DYSF: variants seen among roughly 807,000 people sequenced by gnomAD.
DYSF encodes the protein dystrophy-associated fer-1-like 1.
In DYSF, 212 loss-of-function variants were observed where a neutral mutation model predicts 274.9. That is an observed-to-expected ratio of 0.77 (90% CI 0.69 to 0.86). The LOEUF (loss-of-function observed/expected upper bound fraction) is 0.86. Ranked by LOEUF, DYSF falls within the 40% of genes least tolerant of loss-of-function variation. The probability of loss-of-function intolerance (pLI) is 0.00; values close to 1 mark genes in which losing one functional copy is unlikely to be tolerated. For missense variants in DYSF, 2,666 were observed against 2,783.2 expected, an observed-to-expected ratio of 0.96 and a Z score of 0.95; for synonymous variants, 1,091 against 1,078.7, an observed-to-expected ratio of 1.01 and a Z score of -0.22.
At position 71,478,386 on chromosome 2, in the gene DYSF, T is replaced by A. The variant is rs186450387; in HGVS notation, c.92-2497T>A. Among the ~76,000 whole-genome samples, 1,483 of 151,984 alleles carry A rather than the reference T, an allele frequency of 9.8e-3. 20 individuals carry two copies. Among genetic ancestry groups the A allele is most frequent in the African/African-American group, 0.034 (1,407 of 41,360 alleles). On this transcript the variant is annotated intron_variant, in intron 1 of 55. Coordinates refer to ENST00000410020, the MANE Select transcript of DYSF (RefSeq NM_001130987.2). ...GCCACCATGCCCGGCTAATTTTTTG[T>A]ATTTTTAGTAGAGATGGGGTTTCAC...
At chr2:71,552,622 C>G (rs1252890391) in intron 19 of DYSF, among the ~76,000 whole-genome samples, 1 of 152,194 alleles carries the variant, frequency 6.6e-6, no homozygotes, top group Non-Finnish European at 1.5e-5. Context: ...GGCAGGAGCT[C>G]TGGTCAGGCG....
chr2:71,612,353 C>T (rs902332250), intron 38 of DYSF, among the ~76,000 whole-genome samples: 2 of 152,184 alleles, frequency 1.3e-5, no homozygotes, highest in Non-Finnish European at 2.9e-5. Context: ...CCCTCGCCCG[C>T]TCCCCAGCCA....
At chr2:71,499,821 C>A (rs1279415447) in intron 3 of DYSF, among the ~76,000 whole-genome samples, 3 of 152,198 alleles carry the variant, frequency 2.0e-5, no homozygotes, top group Admixed American at 6.5e-5. Flanking sequence ...AGGCTGGGAG[C>A]ACCTGTGGTG....
At position 71,473,918 on chromosome 2, in the gene DYSF, ATTTTTTTTTTTT is replaced by A. The variant is rs10659171; in HGVS notation, c.92-6951_92-6940del. 1.8e-3 allele frequency among the ~76,000 whole-genome samples: 149 copies of A among 83,832 alleles called. 2 individuals are homozygous for A. Among genetic ancestry groups the A allele is most frequent in the African/African-American group, 8.0e-3 (141 of 17,554 alleles). The allele number at this position is 83,832 out of a possible 152,430, so 55.0% of individuals were successfully genotyped here. A position where few individuals can be genotyped will look rare whatever the true frequency, so the allele number is the denominator to read the frequency against. ...TAATTGCAGTTCTACTTTCTGTATGATTTTTTTTTTTTTTTTTTTTTTTTTGAGACAGAGCTT... is the reference window on the plus strand; with the variant it reads ...TAATTGCAGTTCTACTTTCTGTATGATTTTTTTTTTTTTGAGACAGAGCTT... On this transcript the variant is annotated intron_variant, in intron 1 of 55. Transcript: ENST00000410020.
In DYSF at chr2:71,481,634, C is replaced by G. The variant is rs1009593514; in HGVS notation, c.148-245C>G. Among the ~76,000 whole-genome samples the G allele has an allele frequency of 2.0e-5, 3 of 152,192 alleles. No homozygotes were observed. In the East Asian group the frequency reaches 5.8e-4, roughly 29 times the overall value. ...GGGGCCTGTGAAAGACCTCTCTCCT[C>G]TCTTCTGCTGTCTTCAGCTCATACT... On this transcript the variant is annotated intron_variant, in intron 2 of 55. Transcript: ENST00000410020.
chr2:71,466,099 G>A (rs755527880), upstream of DYSF, among the ~76,000 whole-genome samples: 1 of 152,150 alleles, frequency 6.6e-6, no homozygotes, highest in South Asian at 2.1e-4. Context: ...AGTCTCTCCC[G>A]ACCCGGGGGT....
Position 71,454,086 on chromosome 2 carries a change from G to C in DYSF, c.88G>C (p.Gly30Arg), listed in dbSNP as rs767637508. The change falls in exon 1 of 55, where the codon GGG (glycine) becomes CGG (arginine). Residue 30 changes from glycine to arginine, a missense_variant and splice_region_variant. By Grantham distance (125) the Gly-to-Arg change is moderately radical (BLOSUM62 -2). Coordinates refer to the DYSF transcript ENST00000258104. ...TGCCTACTGCTCCGCGGTGTTTGCA[G>C]GTAGGAGGGGCCGACCACCCTCGCC... The C allele has an allele frequency of 6.2e-7, 1 of 1,613,764 alleles. No individual in the cohort carries two copies. The highest frequency in any genetic ancestry group is 1.7e-5 in the Admixed American group (1 of 59,982).
rs2095359382 is a variant in DYSF at position 71,686,650 on chromosome 2, G to A, written c.*158G>A. ...AGATGGACCGGCCCACACTCCCAGAGTTGCTAACATGGAGCTCTGAGATCA... is the reference window on the plus strand; with the variant it reads ...AGATGGACCGGCCCACACTCCCAGAATTGCTAACATGGAGCTCTGAGATCA... On this transcript the variant is annotated 3_prime_UTR_variant, in exon 56 of 56. Transcript: ENST00000410020. 2 of 828,516 alleles carry A rather than the reference G, an allele frequency of 2.4e-6. No homozygotes were observed. The highest frequency in any genetic ancestry group is 1.4e-5 in the South Asian group (1 of 71,454). The allele number at this position is 828,516 out of a possible 1,614,324, so 51.3% of individuals were successfully genotyped here. A position where few individuals can be genotyped will look rare whatever the true frequency, so the allele number is the denominator to read the frequency against.
chr2:71,504,884 G>C (rs898445255), intron 4 of DYSF, among the ~76,000 whole-genome samples: 3 of 152,216 alleles, frequency 2.0e-5, no homozygotes, highest in African/African-American at 7.2e-5. Context: ...TTCCCACACT[G>C]TCTGGGCTTC....
At chr2:71,538,057 C>G (rs1015849272) in intron 16 of DYSF, among the ~76,000 whole-genome samples, 4 of 152,234 alleles carry the variant, frequency 2.6e-5, no homozygotes, top group African/African-American at 9.6e-5. Flanking sequence ...AAGCTCTGGT[C>G]TCCACGTCAG....
At chr2:71,620,508 T>C in intron 40 of DYSF, 39 bp from the exon 41 acceptor site, 1 of 1,551,338 alleles carries the variant, frequency 6.4e-7, no homozygotes, top group Non-Finnish European at 8.7e-7. Context: ...TAAAGTGGGT[T>C]CTCTAATCCT....
intron 1 of DYSF, among the ~76,000 whole-genome samples, chr2:71,478,700 T>A (rs1231608875): frequency 6.6e-6 from 1 of 152,060 alleles, no homozygotes; most frequent in Non-Finnish European, 1.5e-5. Flanking sequence ...GGAGGGAGGT[T>A]TATCGGAATC....
intron 1 of DYSF, among the ~76,000 whole-genome samples, chr2:71,470,737 TTTCCTTCCTTCCTTCCTTCC>T (rs56939256): frequency 6.2e-5 from 6 of 96,084 alleles, no homozygotes; most frequent in East Asian, 3.3e-4. Flanking sequence ...TCCTTCCTTC[TTTCCTTCCTTCCTTCCTTCC>T]TTCCTTCCTT....
At chr2:71,534,855 T>G (rs889335310) in intron 14 of DYSF, among the ~76,000 whole-genome samples, 166 bp from the exon 15 acceptor site, 1 of 152,146 alleles carries the variant, frequency 6.6e-6, no homozygotes, top group Admixed American at 6.5e-5. Flanking sequence ...CTGCAAAGAT[T>G]CCCTGTGTAT....
chr2:71,583,410 C>T (rs940105835), intron 30 of DYSF, among the ~76,000 whole-genome samples: 1 of 152,170 alleles, frequency 6.6e-6, no homozygotes, highest in African/African-American at 2.4e-5. Flanking sequence ...CCAGCTGGTC[C>T]ACACCCATCT....
chr2:71,669,251 C>G, intron 50 of DYSF, 44 bp downstream of exon 50: 1 of 1,493,522 alleles, frequency 6.7e-7, no homozygotes, highest in Non-Finnish European at 9.2e-7. Flanking sequence ...TCCCGCAGCT[C>G]CCGTGCTCCC....
At chr2:71,631,715 G>T (rs2094315851) in intron 41 of DYSF, among the ~76,000 whole-genome samples, 1 of 152,088 alleles carries the variant, frequency 6.6e-6, no homozygotes, top group South Asian at 2.1e-4. Flanking sequence ...ATACTTCACG[G>T]TCTCTCCTGT....
intron 32 of DYSF, among the ~76,000 whole-genome samples, chr2:71,598,324 C>A (rs2093455938): frequency 6.6e-6 from 1 of 152,248 alleles, no homozygotes. Flanking sequence ...GGGATGCTCT[C>A]TGGATCTTGT....
intron 1 of DYSF, among the ~76,000 whole-genome samples, chr2:71,472,366 C>G (rs910599344): frequency 2.0e-5 from 3 of 152,190 alleles, no homozygotes; most frequent in African/African-American, 7.2e-5. Context: ...TTCTAATAAT[C>G]CTGCTAACAC....
Sources: allele counts gnomAD v4.1 joint callset (sites outside exome capture counted in the v4.1 genomes callset), GRCh38; gene constraint gnomAD v4.1.1; transcripts MANE v1.5; gene names NCBI Gene and HGNC (gene_info 2026-07-23, HGNC 2026-07-21).